The following ERCC6L2 variants were observed in gnomAD, a reference collection of about 807,000 sequenced individuals.
ERCC6L2 encodes the protein ERCC excision repair 6 like 2, also known as DNA excision repair protein ERCC-6-like 2.
Under a neutral mutation model 132.0 loss-of-function variants are expected in ERCC6L2, and 77 were observed. The observed-to-expected ratio is 0.58, with a 90% CI of 0.49 to 0.71. ERCC6L2 has a LOEUF of 0.71. ERCC6L2 is among the 30% of genes least tolerant of loss of function. ERCC6L2 has a pLI of 0.00. For synonymous variants in ERCC6L2, 583 were observed against 632.4 expected, an observed-to-expected ratio of 0.92 and a Z score of 1.17; for missense variants, 1,542 against 1,837.6, an observed-to-expected ratio of 0.84 and a Z score of 2.94.
chr9:95,922,259 A>G, intron 7 of ERCC6L2, 46 bp from the exon 8 acceptor site: 1 of 955,158 alleles, frequency 1.0e-6, no homozygotes, highest in Non-Finnish European at 1.7e-6. Flanking sequence ...AAGCAGGTGC[A>G]TAGCTATGCT....
At chr9:95,980,071 A>G (rs1306045425) in intron 17 of ERCC6L2, among the ~76,000 whole-genome samples, 1 of 152,222 alleles carries the variant, frequency 6.6e-6, no homozygotes, top group Non-Finnish European at 1.5e-5. Flanking sequence ...TAATTTCTGC[A>G]ACAATTGATC....
intron 19 of ERCC6L2, among the ~76,000 whole-genome samples, chr9:96,037,750 C>T (rs551558527): frequency 6.6e-6 from 1 of 152,038 alleles, no homozygotes; most frequent in Admixed American, 6.6e-5. Flanking sequence ...TTGGTGAGAT[C>T]CCACAGAGAG....
chr9:96,040,446 G>A (rs1834565781), intron 20 of ERCC6L2, among the ~76,000 whole-genome samples: 1 of 152,210 alleles, frequency 6.6e-6, no homozygotes, highest in Non-Finnish European at 1.5e-5. Context: ...ATGAAGGCCT[G>A]GCCTCTGATT....
At chr9:96,035,474 A>G (rs1834509056) in intron 19 of ERCC6L2, among the ~76,000 whole-genome samples, 1 of 152,142 alleles carries the variant, frequency 6.6e-6, no homozygotes, top group South Asian at 2.1e-4. Context: ...TGGTCAGCCA[A>G]AGAGAGGAGC....
At chr9:95,939,489 A>G (rs927280256) in intron 11 of ERCC6L2, among the ~76,000 whole-genome samples, 6 of 151,890 alleles carry the variant, frequency 4.0e-5, no homozygotes, top group African/African-American at 1.2e-4. Context: ...TCTGATATCC[A>G]TGGTTTCTGA....
Position 96,018,446 on chromosome 9 carries a change from A to T in ERCC6L2, c.*5243A>T, listed in dbSNP as rs1834228215. On this transcript the variant is annotated 3_prime_UTR_variant, in exon 19 of 19. Coordinates refer to ENST00000653738, the MANE Select transcript of ERCC6L2 (RefSeq NM_020207.7). ...TTTCCTTATTAAAAGATTGGAAAAA[A>T]ATTCACACATAGCATTGTTTTTCTT... Among the ~76,000 whole-genome samples the T allele has an allele frequency of 6.6e-6, 1 of 150,794 alleles. No homozygotes were observed. Among genetic ancestry groups the T allele is most frequent in the East Asian group, 2.0e-4 (1 of 5,076 alleles).
rs898170125 is a variant in ERCC6L2 at position 96,015,086 on chromosome 9, G to C, written c.*1883G>C. 1.6e-5 allele frequency among the ~76,000 whole-genome samples: 2 copies of C among 128,978 alleles called. No homozygotes were observed. The highest frequency in any genetic ancestry group is 3.1e-5 in the Non-Finnish European group (2 of 64,112). 84.6% of individuals were successfully genotyped at this position (128,978 alleles called of 152,430 possible). On this transcript the variant is annotated 3_prime_UTR_variant, in exon 19 of 19. Transcript: ENST00000653738. ...CACCCAGGCTGGAGTACAGTGGCAT[G>C]ATCTTGGCTCACTGCAACCTCCACC...
chr9:95,954,063 G>A (rs555088719), intron 12 of ERCC6L2, among the ~76,000 whole-genome samples: 2 of 152,310 alleles, frequency 1.3e-5, no homozygotes, highest in South Asian at 4.1e-4. Context: ...ATCCATATGT[G>A]ATAGGCACTA....
chr9:95,916,048 G>C (rs1365196589), intron 5 of ERCC6L2, among the ~76,000 whole-genome samples, 179 bp from the exon 6 acceptor site: 1 of 152,110 alleles, frequency 6.6e-6, no homozygotes, highest in Non-Finnish European at 1.5e-5. Context: ...TTCACTGCCA[G>C]TTTCATCCTC....
intron 3 of ERCC6L2, chr9:95,906,798 C>T (rs1207450642): frequency 4.0e-6 from 2 of 498,414 alleles, no homozygotes; most frequent in East Asian, 4.8e-5. Flanking sequence ...ACTTCTCTCT[C>T]ATTTCTCAGT....
At position 96,012,432 on chromosome 9, in the gene ERCC6L2, G is replaced by T. The variant is rs1157449029; in HGVS notation, c.3882G>T (p.Arg1294=). 5 of 1,364,616 alleles carry T rather than the reference G, an allele frequency of 3.7e-6. No homozygotes were observed. The highest frequency in any genetic ancestry group is 3.4e-5 in the South Asian group (3 of 87,600). 84.5% of individuals were successfully genotyped at this position (1,364,616 alleles called of 1,614,324 possible). A position where few individuals can be genotyped will look rare whatever the true frequency, so the allele number is the denominator to read the frequency against. ...SSFEKGEQRT[R]KKSDKRESLI... ...TTGAGAAAGGAGAGCAGCGCACCCG[G>T]AAGAAATCTGATAAAAGAGAATCTC... is the stretch of plus-strand genomic sequence containing the variant. Residue 1294 remains arginine, a synonymous_variant, in exon 19 of 19, where the codon CGG becomes CGT. Transcript: ENST00000653738.
intron 2 of ERCC6L2, among the ~76,000 whole-genome samples, chr9:95,885,853 G>A (rs1827837167): frequency 6.6e-6 from 1 of 152,174 alleles, no homozygotes; most frequent in East Asian, 1.9e-4. Flanking sequence ...GGCAATCTGT[G>A]TTTTAACAGA....
chr9:95,887,715 G>T (rs573454994), intron 2 of ERCC6L2, among the ~76,000 whole-genome samples: 15 of 152,146 alleles, frequency 9.9e-5, no homozygotes, highest in African/African-American at 3.6e-4. Context: ...ATAATTAAAG[G>T]TTTCTTAGGT....
rs966390643 is a variant in ERCC6L2 at position 96,016,063 on chromosome 9, T to C, written c.*2860T>C. Among the ~76,000 whole-genome samples the C allele has an allele frequency of 6.6e-6, 1 of 152,100 alleles. No homozygotes were observed. Among genetic ancestry groups the C allele is most frequent in the East Asian group, 1.9e-4 (1 of 5,182 alleles). The stretch of plus-strand genomic sequence containing the variant: ...ACCTGAGAACAGACACTAGGAAGGT[T>C]TGACAAGATCCTTCCTACCCCCACT... On this transcript the variant is annotated 3_prime_UTR_variant, in exon 19 of 19. Transcript: ENST00000653738.
chr9:95,966,238 A>C (rs1055849308), intron 13 of ERCC6L2, among the ~76,000 whole-genome samples: 1 of 152,220 alleles, frequency 6.6e-6, no homozygotes, highest in African/African-American at 2.4e-5. Flanking sequence ...AAGAGTTTTA[A>C]AAGGAGAAAA....
chr9:95,905,058 A>G (rs986820852), intron 3 of ERCC6L2: 1 of 152,176 alleles, frequency 6.6e-6, no homozygotes, highest in Non-Finnish European at 1.5e-5. Context: ...CTTGGAAGCT[A>G]AGCAGGGTCG....
chr9:95,978,066 G>A lies in ERCC6L2; in HGVS notation c.3343G>A (p.Val1115Ile), dbSNP rs372961783. 3.8e-5 allele frequency: 52 copies of A among 1,364,084 alleles called. No homozygotes were observed. The highest frequency in any genetic ancestry group is 2.7e-4 in the East Asian group (6 of 21,896). 84.5% of individuals were successfully genotyped at this position (1,364,084 alleles called of 1,614,324 possible). Residue 1115 changes from valine to isoleucine, a missense_variant, in exon 17 of 19, where the codon GTT becomes ATT. Val to Ile is a conservative substitution (Grantham distance 29). This residue lies in a region of ERCC6L2 where 442 missense variants were observed against 583.4 expected (regional missense o/e 0.76). Coordinates refer to ENST00000653738, the MANE Select transcript of ERCC6L2 (RefSeq NM_020207.7). ...YESMDKFLDGVQEVAYIHSNQ... is the reference protein window; with the variant it reads ...YESMDKFLDGIQEVAYIHSNQ... ...AAACATAAATTACCTCCTAGATGGCGTTCAGGAAGTGGCTTATATTCACTC... is the reference window on the plus strand; with the variant it reads ...AAACATAAATTACCTCCTAGATGGCATTCAGGAAGTGGCTTATATTCACTC...
intron 17 of ERCC6L2, among the ~76,000 whole-genome samples, chr9:95,998,543 C>T (rs1833548490): frequency 6.6e-6 from 1 of 152,166 alleles, no homozygotes. Flanking sequence ...GAGCGCCTTT[C>T]CTGGCTGTGG....
intron 17 of ERCC6L2, among the ~76,000 whole-genome samples, chr9:95,982,262 C>G (rs1832924945): frequency 6.6e-6 from 1 of 152,088 alleles, no homozygotes; most frequent in South Asian, 2.1e-4. Context: ...GGTTTAAGCA[C>G]TGTTCAGAAT....
Sources: gnomAD v4.1 joint callset for allele counts (sites outside exome capture counted in the v4.1 genomes callset) on GRCh38, gnomAD v4.1.1 for gene constraint, gnomAD v4.1.1 regional missense constraint, MANE v1.5 for transcripts, NCBI Gene and HGNC (gene_info 2026-07-23, HGNC 2026-07-21) for gene names.